The following CPNE8 variants were observed in gnomAD, a reference collection of about 807,000 sequenced individuals.
CPNE8 encodes copine 8, also known as copine-8.
In CPNE8, 45 loss-of-function variants were observed where a neutral mutation model predicts 81.5. The ratio of observed to expected loss-of-function variants is 0.55; its 90% CI spans 0.44 to 0.71. The LOEUF is 0.71. Among genes scored for constraint, CPNE8 ranks in the 30% least tolerant of loss-of-function variants. CPNE8 has a pLI of 0.00. For missense variants in CPNE8, 594 were observed against 672.1 expected, an observed-to-expected ratio of 0.88 and a Z score of 1.28; for synonymous variants, 252 against 226.3, an observed-to-expected ratio of 1.11 and a Z score of -1.02.
intron 3 of CPNE8, among the ~76,000 whole-genome samples, chr12:38,862,636 A>C (rs1943854473): frequency 6.6e-6 from 1 of 152,202 alleles, no homozygotes; most frequent in Non-Finnish European, 1.5e-5. Context: ...ATACCTGTTA[A>C]GCTGTCATTC....
At position 38,653,965 on chromosome 12, in the gene CPNE8, AG is replaced by A; in HGVS notation, c.1611del (p.Tyr538IlefsTer2). On this transcript the variant is annotated frameshift_variant, in exon 20 of 20. Coordinates refer to ENST00000331366, the MANE Select transcript of CPNE8 (RefSeq NM_153634.3). LOFTEE classifies it high-confidence loss of function. ...VLAEIPEQFLSYMRARGIKPS... is the reference protein window; with the variant it reads ...VLAEIPEQFLXYMRARGIKPS... The stretch of plus-strand genomic sequence containing the variant: ...GGCTTGATTCCTCGGGCTCTCATAT[AG>A]GAGAGAAACTGCTCAGGGATCTCAG... 1 of 1,613,746 alleles carries A rather than the reference AG, an allele frequency of 6.2e-7. No homozygotes were observed. Among genetic ancestry groups the A allele is most frequent in the Non-Finnish European group, 8.5e-7 (1 of 1,179,934 alleles).
At chr12:38,827,205 G>A (rs1054816483) in intron 6 of CPNE8, among the ~76,000 whole-genome samples, 1 of 149,472 alleles carries the variant, frequency 6.7e-6, no homozygotes, top group Non-Finnish European at 1.5e-5. Flanking sequence ...CATAGCCAAC[G>A]TGCATAGGAA....
At chr12:38,743,332 G>T (rs183773266) in intron 10 of CPNE8, among the ~76,000 whole-genome samples, 3 of 151,830 alleles carry the variant, frequency 2.0e-5, no homozygotes, top group Admixed American at 6.6e-5. Context: ...TGTCAAAGTC[G>T]GTGAAATGCC....
intron 3 of CPNE8, among the ~76,000 whole-genome samples, chr12:38,858,716 C>T (rs1160093567): frequency 6.6e-6 from 1 of 152,156 alleles, no homozygotes; most frequent in Non-Finnish European, 1.5e-5. Flanking sequence ...GGTCTAGTGT[C>T]TAAGCCTCAC....
intron 10 of CPNE8, among the ~76,000 whole-genome samples, chr12:38,746,595 C>G (rs1052040329): frequency 6.6e-6 from 1 of 152,112 alleles, no homozygotes; most frequent in Non-Finnish European, 1.5e-5. Flanking sequence ...CATTAGAAGA[C>G]TGTTTTTTGC....
chr12:38,666,529 T>C (rs1262085905), intron 19 of CPNE8, among the ~76,000 whole-genome samples: 1 of 152,144 alleles, frequency 6.6e-6, no homozygotes, highest in Non-Finnish European at 1.5e-5. Context: ...TGTGACAGGC[T>C]ATACGTGGAG....
At chr12:38,902,319 A>AG (rs1944481775) in intron 1 of CPNE8, among the ~76,000 whole-genome samples, 2 of 41,234 alleles carry the variant, frequency 4.9e-5, no homozygotes, top group African/African-American at 2.3e-4. Context: ...AAGGAAGGAA[A>AG]GAAAGAAAGA....
intron 6 of CPNE8, among the ~76,000 whole-genome samples, chr12:38,816,569 G>A (rs1943028002): frequency 6.6e-6 from 1 of 151,754 alleles, no homozygotes; most frequent in Non-Finnish European, 1.5e-5. Flanking sequence ...AAGAAAAATT[G>A]GTAATTTAAA....
chr12:38,763,070 G>T (rs1442952752), intron 8 of CPNE8, among the ~76,000 whole-genome samples: 1 of 152,132 alleles, frequency 6.6e-6, no homozygotes, highest in African/African-American at 2.4e-5. Context: ...TCTTGGCCCA[G>T]CTCGTCTTGA....
chr12:38,856,444 G>A (rs1182325063), intron 3 of CPNE8, among the ~76,000 whole-genome samples: 10 of 152,084 alleles, frequency 6.6e-5, no homozygotes, highest in Non-Finnish European at 1.5e-4. Flanking sequence ...GAATATGGAT[G>A]TAAAAATCCT....
rs1244770824 is a variant in CPNE8, at chr12:38,685,411, G to A, written c.1271+79C>T. On this transcript the variant is annotated intron_variant, in intron 16 of 19. Coordinates refer to ENST00000331366, the MANE Select transcript of CPNE8 (RefSeq NM_153634.3). ...TAGAAGAAAACAACTTTCATGTGTGGAGTCATGCTAGCAACAATGTTATGA... is the reference window on the plus strand; with the variant it reads ...TAGAAGAAAACAACTTTCATGTGTGAAGTCATGCTAGCAACAATGTTATGA... The A allele has an allele frequency of 2.8e-6, 4 of 1,449,734 alleles. No homozygotes were observed. In the South Asian group the frequency reaches 4.1e-5, roughly 15 times the overall value. 89.8% of individuals were successfully genotyped at this position (1,449,734 alleles called of 1,614,324 possible). A position where few individuals can be genotyped will look rare whatever the true frequency, so the allele number is the denominator to read the frequency against.
At chr12:38,812,941 T>C (rs1004596523) in intron 6 of CPNE8, among the ~76,000 whole-genome samples, 1 of 152,220 alleles carries the variant, frequency 6.6e-6, no homozygotes, top group Non-Finnish European at 1.5e-5. Flanking sequence ...TCAGGTATTC[T>C]GTTATAGCAG....
At chr12:38,796,356 A>C (rs1414133620) in intron 6 of CPNE8, among the ~76,000 whole-genome samples, 1 of 152,184 alleles carries the variant, frequency 6.6e-6, no homozygotes, top group South Asian at 2.1e-4. Flanking sequence ...TTTTTATAAA[A>C]TAATGCAAAT....
At chr12:38,701,108 T>A (rs562451195) in intron 14 of CPNE8, among the ~76,000 whole-genome samples, 1 of 152,170 alleles carries the variant, frequency 6.6e-6, no homozygotes, top group Non-Finnish European at 1.5e-5. Context: ...GTAATTCTCT[T>A]GGTATCAAGA....
At chr12:38,889,371 G>C (rs1342814458) in intron 1 of CPNE8, among the ~76,000 whole-genome samples, 1 of 152,164 alleles carries the variant, frequency 6.6e-6, no homozygotes, top group Non-Finnish European at 1.5e-5. Context: ...CATCAGGTGA[G>C]ATAACAACGT....
chr12:38,784,938 T>C (rs1942144525), intron 6 of CPNE8, among the ~76,000 whole-genome samples: 1 of 152,252 alleles, frequency 6.6e-6, no homozygotes, highest in South Asian at 2.1e-4. Context: ...CTCACGTCTA[T>C]AATTCCAGCA....
At chr12:38,719,586 A>AAG (rs1940500464) in intron 13 of CPNE8, among the ~76,000 whole-genome samples, 1 of 148,158 alleles carries the variant, frequency 6.7e-6, no homozygotes, top group South Asian at 2.1e-4. Flanking sequence ...TGTCTCAGGA[A>AAG]AAAAAAAAAA....
intron 3 of CPNE8, among the ~76,000 whole-genome samples, chr12:38,856,189 T>C (rs1943731131): frequency 6.6e-6 from 1 of 151,870 alleles, no homozygotes. Context: ...GAATAAGAGA[T>C]TGAAGCAGTA....
intron 1 of CPNE8, among the ~76,000 whole-genome samples, chr12:38,895,357 T>C (rs1230117928): frequency 6.6e-6 from 1 of 152,072 alleles, no homozygotes; most frequent in East Asian, 1.9e-4. Context: ...CTGAGGTCAA[T>C]TCTCAATTCC....
Sources: gnomAD v4.1 joint callset for allele counts (sites outside exome capture counted in the v4.1 genomes callset) on GRCh38, gnomAD v4.1.1 for gene constraint, MANE v1.5 for transcripts, NCBI Gene and HGNC (gene_info 2026-07-23, HGNC 2026-07-21) for gene names.